The following CMYA5 variants were observed in gnomAD, a reference collection of about 807,000 sequenced individuals.
The protein encoded by CMYA5 is cardiomyopathy associated 5.
A neutral mutation model predicts 318.9 loss-of-function variants in CMYA5; 246 were observed. That is an observed-to-expected ratio of 0.77 (90% CI 0.70 to 0.86). The LOEUF (loss-of-function observed/expected upper bound fraction) is 0.86, where lower values mean the gene tolerates loss of function less well. Among genes scored for constraint, CMYA5 ranks in the 40% least tolerant of loss-of-function variants. CMYA5 has a pLI of 0.00. For missense variants in CMYA5, 4,589 were observed against 4,678.2 expected (o/e 0.98, Z 0.56); for synonymous variants, 1,641 against 1,729.5 (o/e 0.95, Z 1.27).
At chr5:79,787,530 G>GAAGCCTAA (rs1205485091) in intron 9 of CMYA5, among the ~76,000 whole-genome samples, 1 of 152,176 alleles carries the variant, frequency 6.6e-6, no homozygotes, top group Non-Finnish European at 1.5e-5. Context: ...CTAATTAGTT[G>GAAGCCTAA]TCAGTGGACG....
Position 79,731,170 on chromosome 5 carries a change from C to T in CMYA5, c.2405C>T (p.Ala802Val). The change falls in exon 2 of 13, where the codon GCA becomes GTA. Residue 802 changes from alanine to valine, a missense_variant. Around this residue, in one of 3 missense-constraint regions of CMYA5, gnomAD observed 2,132 missense variants for 2,131.3 expected, o/e 1.00. Coordinates refer to ENST00000446378, the MANE Select transcript of CMYA5 (RefSeq NM_153610.5). ...GATTCAAAGTTGATCTCCAAATATG[C>T]AGCCCCACTCAATGCAACACAGGAA... ...TPDSKLISKY[A>V]APLNATQESQ... The T allele has an allele frequency of 1.2e-6, 2 of 1,614,014 alleles. No homozygotes were observed. Among genetic ancestry groups the T allele is most frequent in the South Asian group, 2.2e-5 (2 of 91,082 alleles).
chr5:79,772,062 A>G lies in CMYA5; in HGVS notation c.11555+8853A>G, dbSNP rs768555407. On this transcript the variant is annotated intron_variant, in intron 9 of 12. Coordinates refer to ENST00000446378, the MANE Select transcript of CMYA5 (RefSeq NM_153610.5). ...GAAAAGACTCTTTCTGATAACAACA[A>G]TGCATTCCAGAAAATCCTTTGCGAA... Among the ~76,000 whole-genome samples, 49 of 152,192 alleles carry G rather than the reference A, an allele frequency of 3.2e-4. 1 individual carries two copies. The highest frequency in any genetic ancestry group is 2.4e-3 in the Admixed American group (36 of 15,284).
At chr5:79,791,239 A>G (rs1829173415) in intron 11 of CMYA5, among the ~76,000 whole-genome samples, 170 bp downstream of exon 11, 1 of 152,186 alleles carries the variant, frequency 6.6e-6, no homozygotes, top group Non-Finnish European at 1.5e-5. Flanking sequence ...GTGGTTCCCT[A>G]CCGAGCGATA....
At chr5:79,758,186 C>T (rs1424937618) in intron 6 of CMYA5, among the ~76,000 whole-genome samples, 7 of 149,954 alleles carry the variant, frequency 4.7e-5, no homozygotes, top group Admixed American at 6.6e-5. Context: ...GCCAAGATTG[C>T]GCCACTGCAC....
At chr5:79,789,938 A>G (rs182350075) in intron 10 of CMYA5, among the ~76,000 whole-genome samples, 39 of 152,344 alleles carry the variant, frequency 2.6e-4, no homozygotes, top group African/African-American at 8.7e-4. Context: ...AAACTATTCA[A>G]TGACATTTTT....
At chr5:79,799,227 G>T in intron 12 of CMYA5, 143 bp from the exon 13 acceptor site, 1 of 757,826 alleles carries the variant, frequency 1.3e-6, no homozygotes, top group South Asian at 2.1e-5. Context: ...GAAATCTAGT[G>T]AAGTATTTGG....
intron 1 of CMYA5, among the ~76,000 whole-genome samples, chr5:79,709,960 C>CAAAAAAAAAAA (rs61657639): frequency 1.7e-3 from 42 of 24,310 alleles, no homozygotes; most frequent in East Asian, 3.7e-3. Context: ...GACTCCATCT[C>CAAAAAAAAAAA]AAAAAAAAAA....
chr5:79,714,419 TTTTTTC>T (rs71615552), intron 1 of CMYA5, among the ~76,000 whole-genome samples: 1 of 133,096 alleles, frequency 7.5e-6, no homozygotes. Flanking sequence ...ATCTGATATC[TTTTTTC>T]TTTTTCTTTT....
Position 79,738,105 on chromosome 5 carries a change from A to G in CMYA5, c.9340A>G (p.Ser3114Gly), listed in dbSNP as rs776304789. 4 of 1,613,546 alleles carry G rather than the reference A, an allele frequency of 2.5e-6. No individual in the cohort carries two copies. The South Asian group carries it at 3.3e-5, about 13-fold the overall frequency. ...ATATGACTTGGTGAAATTAGATGAA[A>G]GTTTTTATGGACCAGAAAAGGGCCA... ...HEYDLVKLDESFYGPEKGHNI... is the reference protein window; with the variant it reads ...HEYDLVKLDEGFYGPEKGHNI... The change falls in exon 2 of 13, where the codon AGT becomes GGT. Residue 3114 changes from serine to glycine, a missense_variant. This residue lies in a region of CMYA5 where 2,431 missense variants were observed against 2,495.1 expected (regional missense o/e 0.97). Transcript: ENST00000446378.
intron 6 of CMYA5, 34 bp from the exon 7 acceptor site, chr5:79,758,719 G>C (rs945555511): frequency 7.8e-6 from 12 of 1,547,286 alleles, no homozygotes; most frequent in Non-Finnish European, 1.0e-5. Context: ...AATAAAAACA[G>C]CATTAGTTAC....
In CMYA5 at chr5:79,757,553, G is replaced by A. The variant is rs577926651; in HGVS notation, c.11111-1200G>A. On this transcript the variant is annotated intron_variant, in intron 6 of 12. Coordinates refer to ENST00000446378, the MANE Select transcript of CMYA5 (RefSeq NM_153610.5). ...TTGATAGGGCTAGCCATGTTGGAAA[G>A]AAAAAATGGGATAGTCGTTTCAGAA... Among the ~76,000 whole-genome samples, 19 of 152,222 alleles carry A rather than the reference G, an allele frequency of 1.2e-4. No homozygotes were observed. In the South Asian group the frequency reaches 1.9e-3, roughly 15 times the overall value.
At chr5:79,722,139 A>G (rs970680636) in intron 1 of CMYA5, among the ~76,000 whole-genome samples, 2 of 152,238 alleles carry the variant, frequency 1.3e-5, no homozygotes, top group Admixed American at 6.5e-5. Context: ...CAATTAAACT[A>G]GAAAGTAAAC....
rs939322701 is a variant in CMYA5, at chr5:79,729,186, G to T, written c.421G>T (p.Gly141Cys). 6 of 1,612,910 alleles carry T rather than the reference G, an allele frequency of 3.7e-6. No individual in the cohort carries two copies. The highest frequency in any genetic ancestry group is 1.7e-4 in the Middle Eastern group (1 of 6,050). The change falls in exon 2 of 13, where the codon GGT becomes TGT. Residue 141 changes from glycine (G) to cysteine (C), a missense_variant. Physicochemically the swap from Gly to Cys is radical, Grantham distance 159. Around this residue, in one of 3 missense-constraint regions of CMYA5, gnomAD observed 2,132 missense variants for 2,131.3 expected, o/e 1.00. Coordinates refer to ENST00000446378, the MANE Select transcript of CMYA5 (RefSeq NM_153610.5). ...GAAAAGGACTCATAAGTCAAAGCATGGTTCACCATCATTACGCCGGAAAGG... is the reference window on the plus strand; with the variant it reads ...GAAAAGGACTCATAAGTCAAAGCATTGTTCACCATCATTACGCCGGAAAGG... Reference protein sequence around the residue: ...VRKRTHKSKHGSPSLRRKGNR... With the variant: ...VRKRTHKSKHCSPSLRRKGNR...
intron 11 of CMYA5, among the ~76,000 whole-genome samples, chr5:79,791,933 A>G (rs1338432371): frequency 3.3e-5 from 5 of 152,198 alleles, no homozygotes; most frequent in African/African-American, 1.2e-4. Flanking sequence ...GGGAGAAGGT[A>G]TGTGAAACTC....
intron 12 of CMYA5, among the ~76,000 whole-genome samples, chr5:79,795,785 G>A (rs1031343026): frequency 5.3e-5 from 8 of 152,144 alleles, no homozygotes; most frequent in African/African-American, 1.9e-4. Flanking sequence ...GTGGGCCAGA[G>A]GTGGGACTCA....
Position 79,734,232 on chromosome 5 carries a change from A to G in CMYA5, c.5467A>G (p.Lys1823Glu). 1 of 1,613,782 alleles carries G rather than the reference A, an allele frequency of 6.2e-7. No homozygotes were observed. Among genetic ancestry groups the G allele is most frequent in the Non-Finnish European group, 8.5e-7 (1 of 1,179,796 alleles). ...TTCTGACCTCCTTGTAGAACAAAAA[A>G]AGACAGAAAAAGCACTTCATTCAGA... ...APSDLLVEQK[K>E]TEKALHSDQT... The change falls in exon 2 of 13, where the codon AAG becomes GAG. Residue 1823 changes from lysine to glutamate, a missense_variant. Lys to Glu is a moderately conservative substitution (Grantham distance 56). Transcript: ENST00000446378.
chr5:79,776,822 C>A (rs1828947498), intron 9 of CMYA5, among the ~76,000 whole-genome samples: 1 of 150,104 alleles, frequency 6.7e-6, no homozygotes, highest in South Asian at 2.1e-4. Flanking sequence ...TGGTACACTG[C>A]AGTGACGACA....
chr5:79,791,214 C>A, intron 11 of CMYA5, 145 bp downstream of exon 11: 1 of 597,762 alleles, frequency 1.7e-6, no homozygotes, highest in Non-Finnish European at 3.0e-6. Flanking sequence ...GTGTGCACAT[C>A]CACACTGTTC....
At chr5:79,774,966 T>C (rs781584213) in intron 9 of CMYA5, among the ~76,000 whole-genome samples, 3 of 152,184 alleles carry the variant, frequency 2.0e-5, no homozygotes, top group Non-Finnish European at 4.4e-5. Flanking sequence ...CAGCAAGAGA[T>C]TGGAGCTTCC....
Sources: allele counts gnomAD v4.1 joint callset (sites outside exome capture counted in the v4.1 genomes callset), GRCh38; gene constraint gnomAD v4.1.1; regional missense constraint gnomAD v4.1.1; transcripts MANE v1.5; gene names NCBI Gene and HGNC (gene_info 2026-07-23, HGNC 2026-07-21).